The following KCNT1 variants were observed in gnomAD, a reference collection of about 807,000 sequenced individuals.
KCNT1 encodes the protein potassium sodium-activated channel subfamily T member 1.
Under a neutral mutation model 147.8 loss-of-function variants are expected in KCNT1, and 78 were observed. The ratio of observed to expected loss-of-function variants is 0.53; its 90% CI spans 0.44 to 0.64. The LOEUF is 0.64. Among genes scored for constraint, KCNT1 ranks in the 30% least tolerant of loss-of-function variants. KCNT1 has a pLI of 0.00. For missense variants in KCNT1, 1,419 were observed against 1,750.3 expected, an observed-to-expected ratio of 0.81 and a Z score of 3.38; for synonymous variants, 867 against 748.8, an observed-to-expected ratio of 1.16 and a Z score of -2.58.
chr9:135,784,413 G>A, intron 25 of KCNT1, 122 bp from the exon 26 acceptor site: 1 of 729,734 alleles, frequency 1.4e-6, no homozygotes, highest in Non-Finnish European at 2.4e-6. Flanking sequence ...TATGCATGAG[G>A]GGTGGCGAGC....
At chr9:135,742,617 C>T (rs1830623457) in intron 2 of KCNT1, among the ~76,000 whole-genome samples, 1 of 150,620 alleles carries the variant, frequency 6.6e-6, no homozygotes, top group Non-Finnish European at 1.5e-5. Context: ...CCCCCCAGAG[C>T]CTCCCTGCGT....
intron 2 of KCNT1, among the ~76,000 whole-genome samples, chr9:135,742,968 T>C (rs1830642847): frequency 6.6e-6 from 1 of 152,070 alleles, no homozygotes; most frequent in Admixed American, 6.5e-5. Flanking sequence ...TGCCTCTGGG[T>C]CCCAGGTGCT....
At chr9:135,770,730 C>T (rs1265961532) in intron 17 of KCNT1, 127 bp from the exon 18 acceptor site, 2 of 981,688 alleles carry the variant, frequency 2.0e-6, no homozygotes, top group Non-Finnish European at 1.5e-6. Flanking sequence ...TCCCTGACCC[C>T]AAATGGCCCC....
intron 2 of KCNT1, among the ~76,000 whole-genome samples, chr9:135,717,480 C>T (rs1835768032): frequency 6.6e-6 from 1 of 152,044 alleles, no homozygotes; most frequent in Non-Finnish European, 1.5e-5. Context: ...AGCCCGGTTC[C>T]CAGCAGCTTT....
chr9:135,777,953 C>A (rs1354937930), intron 21 of KCNT1, among the ~76,000 whole-genome samples: 5 of 138,850 alleles, frequency 3.6e-5, no homozygotes, highest in African/African-American at 1.4e-4. Context: ...AGCTCCTCCC[C>A]ACTCCCAGTT....
rs946478279 is a variant in KCNT1, at chr9:135,705,535, G to A, written c.110+3167G>A. Among the ~76,000 whole-genome samples, 4 of 152,228 alleles carry A rather than the reference G, an allele frequency of 2.6e-5. No individual in the cohort carries two copies. The East Asian group carries it at 5.8e-4, about 22-fold the overall frequency. On this transcript the variant is annotated intron_variant, in intron 1 of 30. Coordinates refer to ENST00000371757, the MANE Select transcript of KCNT1 (RefSeq NM_020822.3). ...CAGCTTGTGTGACCTTGAAGTCACCGGTCATGAGTCTGGGGAAAGGCAGGC... is the reference window on the plus strand; with the variant it reads ...CAGCTTGTGTGACCTTGAAGTCACCAGTCATGAGTCTGGGGAAAGGCAGGC...
rs1181016490 is a variant in KCNT1 at position 135,714,180 on chromosome 9, G to C, written c.111-397G>C. 6.6e-6 allele frequency among the ~76,000 whole-genome samples: 1 copy of C among 152,036 alleles called. No homozygotes were observed. The highest frequency in any genetic ancestry group is 2.4e-5 in the African/African-American group (1 of 41,432). ...GGACGGGGAGGGGAGCTGGGGAGTT[G>C]GGAGGGGTTGCAGGGGTGTGGCGGG... On this transcript the variant is annotated intron_variant, in intron 1 of 30. Coordinates refer to ENST00000371757, the MANE Select transcript of KCNT1 (RefSeq NM_020822.3). The surrounding 1 kb of genome is among the most constrained non-coding windows in gnomAD (Gnocchi z 6.2).
chr9:135,774,407 G>GTGTGGTGTGTGTC (rs1832990225), intron 19 of KCNT1, among the ~76,000 whole-genome samples: 1 of 143,644 alleles, frequency 7.0e-6, no homozygotes, highest in Non-Finnish European at 1.5e-5. Context: ...GTCCGTGTGT[G>GTGTGGTGTGTGTC]TGTGGTGTGT....
rs928555901 is a variant in KCNT1, at chr9:135,765,098, C to T, written c.1103C>T (p.Ala368Val). 1.5e-5 allele frequency: 24 copies of T among 1,613,352 alleles called. No homozygotes were observed. The highest frequency in any genetic ancestry group is 1.9e-5 in the Non-Finnish European group (23 of 1,179,940). ...KSGGNYSRHR[A>V]QTEKHVVLCV... ...GGGGGCAACTACAGCCGCCACCGTG[C>T]GCAGACGGAGAAGCACGTGGTCCTG... Residue 368 changes from alanine to valine, a missense_variant, in exon 12 of 31, where the codon GCG becomes GTG. By Grantham distance (64) the Ala-to-Val change is moderately conservative (BLOSUM62 0). Around this residue, in one of 5 missense-constraint regions of KCNT1, gnomAD observed 401 missense variants for 610.6 expected, o/e 0.66. Transcript: ENST00000371757.
chr9:135,751,720 C>G (rs1371558472), intron 4 of KCNT1, among the ~76,000 whole-genome samples: 2 of 152,220 alleles, frequency 1.3e-5, no homozygotes, highest in Non-Finnish European at 2.9e-5. Flanking sequence ...GTGTGGGTCC[C>G]AGGGGACATC....
chr9:135,740,065 G>A (rs1482169575), intron 2 of KCNT1, among the ~76,000 whole-genome samples: 3 of 152,092 alleles, frequency 2.0e-5, no homozygotes, highest in Admixed American at 6.5e-5. Context: ...TGGCCGTCCC[G>A]CTATGTGTGT....
chr9:135,777,149 G>A lies in KCNT1; in HGVS notation c.2350-189G>A, dbSNP rs369543918. On this transcript the variant is annotated intron_variant, in intron 20 of 30. Transcript: ENST00000371757. ...CATGACTGCTCTGTGCCGCCTGTGG[G>A]TACAGCTGTGGCATCTGGTGGTGCC... Among the ~76,000 whole-genome samples, 1,291 of 152,340 alleles carry A rather than the reference G, an allele frequency of 8.5e-3. 4 individuals are homozygous for A. Among genetic ancestry groups the A allele is most frequent in the Middle Eastern group, 0.031 (9 of 294 alleles).
chr9:135,726,892 T>C (rs1265877795), intron 2 of KCNT1, among the ~76,000 whole-genome samples: 2 of 112,216 alleles, frequency 1.8e-5, no homozygotes, highest in Admixed American at 8.5e-5. Flanking sequence ...TCTCCCTCTC[T>C]CCCTCTTTCC....
At chr9:135,770,203 AG>A in intron 16 of KCNT1, 94 bp from the exon 17 acceptor site, 1 of 1,465,678 alleles carries the variant, frequency 6.8e-7, no homozygotes, top group Non-Finnish European at 9.2e-7. Context: ...GATCCATGCC[AG>A]GGGAAGCAGA....
chr9:135,791,873 T>G lies in KCNT1; in HGVS notation c.3579T>G (p.Ser1193Arg). The change falls in exon 30 of 31, where the codon AGT (serine) becomes AGG (arginine). Residue 1193 changes from serine to arginine, a missense_variant. Around this residue, in one of 5 missense-constraint regions of KCNT1, gnomAD observed 306 missense variants for 294.2 expected, o/e 1.04. Transcript: ENST00000371757. ...CGCCCGACACGAGGCTGGAGCCCAG[T>G]GACATTGTGTGAGTAGCACCTGTGG... ...NPPPDTRLEP[S>R]DIVYLIRSDP... 3 of 1,613,664 alleles carry G rather than the reference T, an allele frequency of 1.9e-6. No individual in the cohort carries two copies. The South Asian group carries it at 3.3e-5, about 18-fold the overall frequency.
At position 135,792,486 on chromosome 9, in the gene KCNT1, G is replaced by A. The variant is rs535735503; in HGVS notation, c.*325G>A. ...CAGGGACTGGACGCCCTACAGGGCC[G>A]AGCCCAGGCTGTGCTGGAGGGTGGG... On this transcript the variant is annotated 3_prime_UTR_variant, in exon 31 of 31. Transcript: ENST00000371757. 2.9e-4 allele frequency: 73 copies of A among 250,488 alleles called. No individual in the cohort carries two copies. The highest frequency in any genetic ancestry group is 1.5e-3 in the African/African-American group (64 of 43,840). The allele number at this position is 250,488 out of a possible 1,614,324, so 15.5% of individuals were successfully genotyped here.
Position 135,775,999 on chromosome 9 carries a change from C to T in KCNT1, c.2349+584C>T, listed in dbSNP as rs114293772. Among the ~76,000 whole-genome samples, 883 of 152,112 alleles carry T rather than the reference C, an allele frequency of 5.8e-3. 9 individuals are homozygous for T. The highest frequency in any genetic ancestry group is 0.019 in the African/African-American group (803 of 41,498). ...AGTGACCTGGTGGCAGGTGGGTCTG[C>T]GATGTTTCTTGGTGGTGGGACTCTG... is the stretch of plus-strand genomic sequence containing the variant. On this transcript the variant is annotated intron_variant, in intron 20 of 30. Coordinates refer to ENST00000371757, the MANE Select transcript of KCNT1 (RefSeq NM_020822.3).
intron 2 of KCNT1, among the ~76,000 whole-genome samples, chr9:135,748,519 T>G (rs565106240): frequency 6.6e-6 from 1 of 152,132 alleles, no homozygotes; most frequent in Non-Finnish European, 1.5e-5. Flanking sequence ...AGAGGGGAGG[T>G]GAGGCTCACA....
At chr9:135,771,266 AGACCAGGCAGGG>A in intron 18 of KCNT1, 171 bp downstream of exon 18, 2 of 642,828 alleles carry the variant, frequency 3.1e-6, no homozygotes, top group African/African-American at 3.7e-5. Flanking sequence ...GTGGGACGGG[AGACCAGGCAGGG>A]CGGGAGACCA....
Sources: allele counts gnomAD v4.1 joint callset (sites outside exome capture counted in the v4.1 genomes callset), GRCh38; gene constraint gnomAD v4.1.1; regional missense constraint gnomAD v4.1.1; non-coding constraint Gnocchi (gnomAD v3.1); transcripts MANE v1.5; gene names NCBI Gene and HGNC (gene_info 2026-07-23, HGNC 2026-07-21).